The following ASB5 variants were observed in gnomAD, a reference collection of about 807,000 sequenced individuals.
ASB5 encodes ankyrin repeat and SOCS box containing 5, also known as ankyrin repeat and SOCS box protein 5.
A neutral mutation model predicts 42.1 loss-of-function variants in ASB5; 45 were observed. The observed-to-expected ratio is 1.07, with a 90% CI of 0.84 to 1.37. ASB5 has a LOEUF of 1.37. Among genes scored for constraint, ASB5 ranks in the 40% most tolerant of loss-of-function variants. The pLI, the probability that ASB5 is intolerant of heterozygous loss-of-function variation, is 0.00. For missense variants in ASB5, 402 were observed against 399.8 expected, an observed-to-expected ratio of 1.01 and a Z score of -0.05; for synonymous variants, 147 against 150.6, an observed-to-expected ratio of 0.98 and a Z score of 0.18.
At chr4:176,224,172 G>A (rs565679004) in intron 2 of ASB5, among the ~76,000 whole-genome samples, 2 of 149,888 alleles carry the variant, frequency 1.3e-5, no homozygotes, top group South Asian at 4.3e-4. Context: ...CTTTCTCCTT[G>A]AGACTGGGAA....
At chr4:176,264,342 T>C (rs1754318591) in intron 1 of ASB5, among the ~76,000 whole-genome samples, 1 of 152,150 alleles carries the variant, frequency 6.6e-6, no homozygotes, top group African/African-American at 2.4e-5. Flanking sequence ...TACAACTCAA[T>C]GAACACAAAA....
chr4:176,237,212 G>A lies in ASB5; in HGVS notation c.197-11871C>T, dbSNP rs917617383. 1.1e-5 allele frequency: 10 copies of A among 914,576 alleles called. No homozygotes were observed. The African/African-American group carries it at 1.4e-4, about 13-fold the overall frequency. The allele number at this position is 914,576 out of a possible 1,614,324, so 56.7% of individuals were successfully genotyped here. A position where few individuals can be genotyped will look rare whatever the true frequency, so the allele number is the denominator to read the frequency against. On this transcript the variant is annotated intron_variant, in intron 1 of 6. Coordinates refer to ENST00000296525, the MANE Select transcript of ASB5 (RefSeq NM_080874.4). ...ATCCGCATTCTGGAAAGCACCCGCAGTTTAAAGTTAGTATTTGCAAAAACA... is the reference window on the plus strand; with the variant it reads ...ATCCGCATTCTGGAAAGCACCCGCAATTTAAAGTTAGTATTTGCAAAAACA...
chr4:176,240,209 C>T lies in ASB5; in HGVS notation c.197-14868G>A, dbSNP rs186658458. Among the ~76,000 whole-genome samples, 170 of 152,240 alleles carry T rather than the reference C, an allele frequency of 1.1e-3. 2 individuals are homozygous for T. The highest frequency in any genetic ancestry group is 2.0e-3 in the Non-Finnish European group (133 of 68,008). Reference sequence around the variant, plus strand: ...CTAGGAAACTAATAAAAATTGTAATCTATAGAAGATAATGGACTCTGAATT... The same window carrying T: ...CTAGGAAACTAATAAAAATTGTAATTTATAGAAGATAATGGACTCTGAATT... On this transcript the variant is annotated intron_variant, in intron 1 of 6. Transcript: ENST00000296525.
At chr4:176,217,292 A>G (rs1195926237) in intron 5 of ASB5, among the ~76,000 whole-genome samples, 2 of 152,096 alleles carry the variant, frequency 1.3e-5, no homozygotes, top group Non-Finnish European at 2.9e-5. Flanking sequence ...TTGAACTATC[A>G]TAATAAAATT....
intron 1 of ASB5, among the ~76,000 whole-genome samples, chr4:176,266,145 A>G (rs1218210215): frequency 6.6e-6 from 1 of 152,200 alleles, no homozygotes; most frequent in African/African-American, 2.4e-5. Context: ...CTGATTTGCA[A>G]TAATATCTAA....
At chr4:176,244,010 TC>T (rs1753861062) in intron 1 of ASB5, among the ~76,000 whole-genome samples, 1 of 152,210 alleles carries the variant, frequency 6.6e-6, no homozygotes, top group Admixed American at 6.5e-5. Flanking sequence ...GAAAAACCAT[TC>T]AATTTATAGC....
rs543009627 is a variant in ASB5 at position 176,248,427 on chromosome 4, T to A, written c.196+20486A>T. The stretch of plus-strand genomic sequence containing the variant: ...GTGAGCCACTGTACCCAGCCCACAT[T>A]GGCAAATATTAAGAGTACTGACAAT... On this transcript the variant is annotated intron_variant, in intron 1 of 6. Coordinates refer to ENST00000296525, the MANE Select transcript of ASB5 (RefSeq NM_080874.4). Among the ~76,000 whole-genome samples the A allele has an allele frequency of 9.9e-5, 15 of 152,200 alleles. No individual in the cohort carries two copies. The South Asian group carries it at 3.1e-3, about 32-fold the overall frequency.
At chr4:176,233,690 C>T (rs1753610895) in intron 1 of ASB5, among the ~76,000 whole-genome samples, 1 of 152,030 alleles carries the variant, frequency 6.6e-6, no homozygotes, top group Non-Finnish European at 1.5e-5. Context: ...ACCTTGAGTC[C>T]TCATCATCCA....
chr4:176,232,575 T>A (rs1221742704), intron 1 of ASB5, among the ~76,000 whole-genome samples: 1 of 152,216 alleles, frequency 6.6e-6, no homozygotes, highest in East Asian at 1.9e-4. Context: ...GTATACAGTA[T>A]AAGCTTCAGA....
intron 1 of ASB5, among the ~76,000 whole-genome samples, chr4:176,239,813 A>G (rs1167004922): frequency 1.3e-5 from 2 of 152,338 alleles, no homozygotes; most frequent in African/African-American, 4.8e-5. Context: ...GCTGCACTGA[A>G]GGTGGACTAA....
intron 5 of ASB5, 87 bp downstream of exon 5, chr4:176,221,068 G>T (rs1753190092): frequency 1.4e-6 from 2 of 1,400,336 alleles, no homozygotes; most frequent in African/African-American, 1.4e-5. Context: ...TTAGCAATGA[G>T]ATCTAATTTT....
rs1303055816 is a variant in ASB5, at chr4:176,221,228, AG to A, written c.596del (p.Pro199LeufsTer9). 25 of 1,614,038 alleles carry A rather than the reference AG, an allele frequency of 1.5e-5. No individual in the cohort carries two copies. The highest frequency in any genetic ancestry group is 2.0e-5 in the Non-Finnish European group (24 of 1,180,012). ...CTACATAGAGAGGAGTTCCCAAATG[AG>A]GAATTTCTTGGTCAACATCTATGCC... ...SWGIDVDQEIPHLGTPLYVAC... is the reference protein window; with the variant it reads ...SWGIDVDQEIXHLGTPLYVAC... On this transcript the variant is annotated frameshift_variant, in exon 5 of 7. Coordinates refer to ENST00000296525, the MANE Select transcript of ASB5 (RefSeq NM_080874.4). LOFTEE classifies it high-confidence loss of function.
chr4:176,237,237 A>G, intron 1 of ASB5: 1 of 972,882 alleles, frequency 1.0e-6, no homozygotes, highest in Non-Finnish European at 1.2e-6. Flanking sequence ...TTGCAAAAAC[A>G]GGCCAATGTG....
intron 1 of ASB5, among the ~76,000 whole-genome samples, chr4:176,231,369 T>C (rs1401287390): frequency 6.6e-6 from 1 of 152,128 alleles, no homozygotes; most frequent in Admixed American, 6.5e-5. Flanking sequence ...AGGTGATTTA[T>C]TTCCAAAATT....
chr4:176,223,768 C>T (rs929657599), intron 2 of ASB5, among the ~76,000 whole-genome samples: 3 of 152,198 alleles, frequency 2.0e-5, no homozygotes, highest in African/African-American at 7.2e-5. Context: ...AAGGCCAAGA[C>T]TCCCTTTCAC....
At chr4:176,236,146 C>A (rs1229682562) in intron 1 of ASB5, among the ~76,000 whole-genome samples, 1 of 151,076 alleles carries the variant, frequency 6.6e-6, no homozygotes. Context: ...TGAGACTCAT[C>A]CAGGTGAATT....
At chr4:176,273,734 G>T (rs1313222896), upstream of ASB5, among the ~76,000 whole-genome samples, 1 of 152,180 alleles carries the variant, frequency 6.6e-6, no homozygotes, top group Non-Finnish European at 1.5e-5. Flanking sequence ...AATTGCTTTA[G>T]GTTAAATGAG....
chr4:176,238,103 G>A (rs1753730222), intron 1 of ASB5, among the ~76,000 whole-genome samples: 1 of 150,420 alleles, frequency 6.6e-6, no homozygotes, highest in Non-Finnish European at 1.5e-5. Flanking sequence ...GGCGCCTGTA[G>A]TCCCAGCTAC....
chr4:176,218,324 T>TATATATATTTGTATGATATATAA (rs1166657100), intron 5 of ASB5, among the ~76,000 whole-genome samples: 1 of 76,776 alleles, frequency 1.3e-5, no homozygotes, highest in African/African-American at 4.9e-5. Flanking sequence ...ATTTGTATGA[T>TATATATATTTGTATGATATATAA]ATATATATTT....
Sources: gnomAD v4.1 joint callset for allele counts (sites outside exome capture counted in the v4.1 genomes callset) on GRCh38, gnomAD v4.1.1 for gene constraint, MANE v1.5 for transcripts, NCBI Gene and HGNC (gene_info 2026-07-23, HGNC 2026-07-21) for gene names.